Variants in DST observed in about 807,000 individuals in gnomAD.
The protein encoded by DST is dystonin, also known as bullous pemphigoid antigen.
In DST, 253 loss-of-function variants were observed where a neutral mutation model predicts 875.2. The ratio of observed to expected loss-of-function variants is 0.29; its 90% CI spans 0.26 to 0.32. The LOEUF is 0.32. Among genes scored for constraint, DST ranks in the 10% least tolerant of loss-of-function variants. The pLI is 1.00. For missense variants in DST, 8,287 were observed against 9,111.6 expected, an observed-to-expected ratio of 0.91 and a Z score of 3.68; for synonymous variants, 3,124 against 3,197.1, an observed-to-expected ratio of 0.98 and a Z score of 0.77.
intron 47 of DST, 72 bp from the exon 48 acceptor site, chr6:56,594,265 C>A: frequency 7.9e-7 from 1 of 1,264,780 alleles, no homozygotes; most frequent in Non-Finnish European, 1.1e-6. Context: ...TCCTTGCCGC[C>A]TCAAGACTGA....
intron 3 of DST, among the ~76,000 whole-genome samples, chr6:56,890,201 G>T (rs1228458292): frequency 1.3e-5 from 2 of 152,156 alleles, no homozygotes; most frequent in Admixed American, 6.5e-5. Context: ...CCTGGAAAGT[G>T]AGCACCGACT....
intron 85 of DST, among the ~76,000 whole-genome samples, chr6:56,490,483 T>A (rs1331997196): frequency 6.6e-6 from 1 of 151,996 alleles, no homozygotes; most frequent in Non-Finnish European, 1.5e-5. Context: ...AATAATGAAA[T>A]AACAACAAGA....
At chr6:56,535,079 A>T (rs1256780983) in intron 63 of DST, 43 bp downstream of exon 63, 2 of 1,596,010 alleles carry the variant, frequency 1.3e-6, no homozygotes. Context: ...TCTTGTTATT[A>T]AGATTTAATA....
chr6:56,641,529 A>T (rs903409719), intron 17 of DST, among the ~76,000 whole-genome samples: 32 of 151,774 alleles, frequency 2.1e-4, no homozygotes, highest in African/African-American at 7.5e-4. Flanking sequence ...CAGAGGCTGC[A>T]GTGAGCCGAG....
rs538484440 is a variant in DST at position 56,559,683 on chromosome 6, C to T, written c.14440+611G>A. On this transcript the variant is annotated intron_variant, in intron 58 of 103. Transcript: ENST00000680361. ...CACTCATTTTCTTTTTTTCTACCCC[C>T]TTTACACTCATTTTCTACATCATTA... 6.6e-4 allele frequency among the ~76,000 whole-genome samples: 100 copies of T among 152,106 alleles called. No individual in the cohort carries two copies. The South Asian group carries it at 7.9e-3, about 12-fold the overall frequency.
At chr6:56,846,548 A>G (rs1486321749) in intron 4 of DST, among the ~76,000 whole-genome samples, 1 of 152,244 alleles carries the variant, frequency 6.6e-6, no homozygotes, top group African/African-American at 2.4e-5. Flanking sequence ...TGTATTGCTC[A>G]TATGTAAAAA....
In DST at chr6:56,811,423, G is replaced by C. The variant is rs778891847; in HGVS notation, c.625+39974C>G. Among the ~76,000 whole-genome samples, 3 of 152,128 alleles carry C rather than the reference G, an allele frequency of 2.0e-5. No homozygotes were observed. In the South Asian group the frequency reaches 6.2e-4, roughly 32 times the overall value. ...TTTTCTGAATGGAATGAAGTAAAACGTCAGGATGCTATAGCATCATCAATA... is the reference window on the plus strand; with the variant it reads ...TTTTCTGAATGGAATGAAGTAAAACCTCAGGATGCTATAGCATCATCAATA... On this transcript the variant is annotated intron_variant, in intron 4 of 103. Coordinates refer to ENST00000680361, the MANE Select transcript of DST (RefSeq NM_001374736.1).
chr6:56,482,258 G>A lies in DST; in HGVS notation c.21403-80C>T, dbSNP rs2095426950. Reference sequence around the variant, plus strand: ...GCACAATTTACAAAACTGTATAGTGGATTCATCCCTTCAATGAAAAAAAAA... The same window carrying A: ...GCACAATTTACAAAACTGTATAGTGAATTCATCCCTTCAATGAAAAAAAAA... On this transcript the variant is annotated intron_variant, in intron 89 of 103. Transcript: ENST00000680361. The A allele has an allele frequency of 3.5e-6, 5 of 1,437,638 alleles. No homozygotes were observed. The South Asian group carries it at 5.1e-5, about 15-fold the overall frequency. The allele number at this position is 1,437,638 out of a possible 1,614,324, so 89.1% of individuals were successfully genotyped here. A position where few individuals can be genotyped will look rare whatever the true frequency, so the allele number is the denominator to read the frequency against.
chr6:56,487,058 G>A, intron 87 of DST, 46 bp downstream of exon 87: 1 of 1,586,998 alleles, frequency 6.3e-7, no homozygotes, highest in Non-Finnish European at 8.6e-7. Context: ...CTGTGTATTT[G>A]AAAGAGGTCT....
intron 3 of DST, 120 bp downstream of exon 3, chr6:56,900,301 T>C (rs1208697169): frequency 3.7e-6 from 3 of 819,466 alleles, no homozygotes; most frequent in African/African-American, 3.6e-5. Flanking sequence ...CTGCCACTTG[T>C]TGGGAATAAC....
intron 3 of DST, chr6:56,852,052 C>A: frequency 7.0e-7 from 1 of 1,418,974 alleles, no homozygotes; most frequent in Non-Finnish European, 9.2e-7. Flanking sequence ...GAAAACAAAG[C>A]ACAAATGCAG....
chr6:56,629,435 T>G lies in DST; in HGVS notation c.4290A>C (p.Arg1430Ser). The G allele has an allele frequency of 3.7e-6, 6 of 1,612,140 alleles. No individual in the cohort carries two copies. The highest frequency in any genetic ancestry group is 4.2e-6 in the Non-Finnish European group (5 of 1,178,474). The change falls in exon 32 of 104, where the codon AGA becomes AGC. Residue 1430 changes from arginine to serine, a missense_variant. By Grantham distance (110) the Arg-to-Ser change is moderately radical. Coordinates refer to ENST00000680361, the MANE Select transcript of DST (RefSeq NM_001374736.1). ...CCTGTCTCTTTTCATCTACTTCAGA[T>G]CTCCATTGCTAAAATACATTAATTG... ...ENLISTLKQW[R>S]SEVDEKRQVF...
At chr6:56,918,299 G>A (rs936616786) in intron 2 of DST, among the ~76,000 whole-genome samples, 1 of 151,806 alleles carries the variant, frequency 6.6e-6, no homozygotes, top group African/African-American at 2.4e-5. Context: ...GCTAATTTTT[G>A]TATTTTTAGT....
chr6:56,843,794 T>G (rs2099803849), intron 4 of DST: 1 of 612,064 alleles, frequency 1.6e-6, no homozygotes. Context: ...AGCGCGGCGG[T>G]CAGCGCCCCG....
chr6:56,636,422 A>G (rs569663040), intron 23 of DST, 135 bp downstream of exon 23: 79 of 687,344 alleles, frequency 1.1e-4, no homozygotes, highest in Non-Finnish European at 1.7e-4. Context: ...ACACACATAT[A>G]TGTGTATATA....
At chr6:56,839,879 G>A (rs567722427) in intron 4 of DST, among the ~76,000 whole-genome samples, 18 of 152,294 alleles carry the variant, frequency 1.2e-4, no homozygotes, top group Non-Finnish European at 2.4e-4. Flanking sequence ...GCAGTTTGCA[G>A]GGGGTGAGGG....
intron 50 of DST, among the ~76,000 whole-genome samples, chr6:56,578,557 G>A (rs1487657326): frequency 6.6e-6 from 1 of 152,030 alleles, no homozygotes; most frequent in Admixed American, 6.6e-5. Flanking sequence ...ATTACATAGC[G>A]AGTTCCTGTT....
Position 56,526,444 on chromosome 6 carries a change from C to T in DST, c.18046G>A (p.Asp6016Asn). ...CTCACTAATCGGTAGCGCTCATTGT[C>T]CTCAGCTACCATTTTCTCAAGTCCT... ...REGLEKMVAE[D>N]NERYRLVSDT... The change falls in exon 69 of 104, where the codon GAC (aspartate) becomes AAC (asparagine). Residue 6016 changes from aspartate to asparagine, a missense_variant. This residue lies in a region of DST where 777 missense variants were observed against 764.8 expected (regional missense o/e 1.02). Coordinates refer to ENST00000680361, the MANE Select transcript of DST (RefSeq NM_001374736.1). The T allele has an allele frequency of 6.2e-7, 1 of 1,613,864 alleles. No individual in the cohort carries two copies. Among genetic ancestry groups the T allele is most frequent in the Non-Finnish European group, 8.5e-7 (1 of 1,179,814 alleles).
chr6:56,614,527 T>C, intron 36 of DST, 43 bp from the exon 37 acceptor site: 1 of 1,524,144 alleles, frequency 6.6e-7, no homozygotes, highest in Non-Finnish European at 8.8e-7. Context: ...CTGCATTAAA[T>C]GACTTAGCTA....
Sources: allele counts gnomAD v4.1 joint callset (sites outside exome capture counted in the v4.1 genomes callset), GRCh38; gene constraint gnomAD v4.1.1; regional missense constraint gnomAD v4.1.1; transcripts MANE v1.5; gene names NCBI Gene and HGNC (gene_info 2026-07-23, HGNC 2026-07-21).